Variants in EIF4G3 observed in about 807,000 individuals in gnomAD.
The protein encoded by EIF4G3 is eukaryotic translation initiation factor 4 gamma 3.
Under a neutral mutation model 186.4 loss-of-function variants are expected in EIF4G3, and 34 were observed. The ratio of observed to expected loss-of-function variants is 0.18; its 90% CI spans 0.14 to 0.24. EIF4G3 has a LOEUF of 0.24. Among genes scored for constraint, EIF4G3 ranks in the 10% least tolerant of loss-of-function variants. The probability of loss-of-function intolerance (pLI) is 1.00; values close to 1 mark genes in which losing one functional copy is unlikely to be tolerated. For synonymous variants in EIF4G3, 673 were observed against 679.5 expected (o/e 0.99, Z 0.15); for missense variants, 1,536 against 1,948.5 (o/e 0.79, Z 3.99).
At chr1:21,124,663 T>C (rs2096994106) in intron 2 of EIF4G3, among the ~76,000 whole-genome samples, 1 of 152,222 alleles carries the variant, frequency 6.6e-6, no homozygotes, top group Non-Finnish European at 1.5e-5. Context: ...GTGCTGGTTT[T>C]TTAATTTTTC....
chr1:20,969,579 T>C lies in EIF4G3; in HGVS notation c.609A>G (p.Pro203=). 1 of 1,613,712 alleles carries C rather than the reference T, an allele frequency of 6.2e-7. No homozygotes were observed. The part of the protein sequence containing the change: ...REKKTIRIRD[P]NQGGKDITEE... ...CTGTTATGTCTTTACCTCCCTGGTT[T>C]GGATCCCGAATTCTTATCTATAAGG... is the stretch of plus-strand genomic sequence containing the variant. Residue 203 remains proline (P), a synonymous_variant, in exon 12 of 37, where the codon CCA becomes CCG. Transcript: ENST00000602326.
At chr1:21,123,077 T>C (rs1436854800) in intron 2 of EIF4G3, among the ~76,000 whole-genome samples, 2 of 152,204 alleles carry the variant, frequency 1.3e-5, no homozygotes, top group African/African-American at 4.8e-5. Flanking sequence ...ATTGCCGTTC[T>C]TTCTTAATGG....
At chr1:20,934,950 A>G (rs892828466) in intron 14 of EIF4G3, among the ~76,000 whole-genome samples, 1 of 152,144 alleles carries the variant, frequency 6.6e-6, no homozygotes, top group Non-Finnish European at 1.5e-5. Context: ...TACAGCACTT[A>G]AAACTTCCTA....
chr1:20,938,669 A>C (rs1413892327), intron 14 of EIF4G3, among the ~76,000 whole-genome samples: 1 of 152,262 alleles, frequency 6.6e-6, no homozygotes, highest in Non-Finnish European at 1.5e-5. Flanking sequence ...AATAAATTAT[A>C]GTCATTAAGC....
chr1:20,807,231 C>T lies in EIF4G3; in HGVS notation c.*88G>A, dbSNP rs2058235727. On this transcript the variant is annotated 3_prime_UTR_variant, in exon 37 of 37. Coordinates refer to ENST00000602326, the MANE Select transcript of EIF4G3 (RefSeq NM_001391906.1). ...CGTGGGGGTTTCTGCGAGAATTGGC[C>T]TTGCTGCACTGTGATTGGCGAAGAC... is the stretch of plus-strand genomic sequence containing the variant. 1.6e-6 allele frequency: 2 copies of T among 1,285,428 alleles called. No individual in the cohort carries two copies. 79.6% of individuals were successfully genotyped at this position (1,285,428 alleles called of 1,614,324 possible).
intron 30 of EIF4G3, among the ~76,000 whole-genome samples, chr1:20,838,301 T>C (rs2067364191): frequency 6.6e-6 from 1 of 152,158 alleles, no homozygotes; most frequent in Admixed American, 6.5e-5. Flanking sequence ...CGAGTATAGT[T>C]TGAAGAGACA....
intron 2 of EIF4G3, among the ~76,000 whole-genome samples, chr1:21,093,520 A>G (rs2101502112): frequency 6.6e-6 from 1 of 152,302 alleles, no homozygotes; most frequent in Middle Eastern, 3.4e-3. Context: ...AAACTAGTTC[A>G]AACATTGTGG....
At chr1:21,002,625 G>A (rs1277061069) in intron 5 of EIF4G3, 88 bp downstream of exon 5, 23 of 1,352,686 alleles carry the variant, frequency 1.7e-5, no homozygotes, top group East Asian at 2.5e-5. Flanking sequence ...CCAAAATCCA[G>A]TAAAAATATT....
intron 12 of EIF4G3, among the ~76,000 whole-genome samples, chr1:20,959,041 A>G (rs2096506650): frequency 6.6e-6 from 1 of 152,196 alleles, no homozygotes; most frequent in African/African-American, 2.4e-5. Flanking sequence ...ATCAGAAAAA[A>G]AAATCCTAAA....
chr1:20,929,103 AT>A (rs923265139), intron 14 of EIF4G3, among the ~76,000 whole-genome samples: 4 of 152,162 alleles, frequency 2.6e-5, no homozygotes, highest in African/African-American at 9.7e-5. Context: ...TATATATCAC[AT>A]TTTGTTTATT....
chr1:21,089,128 A>C lies in EIF4G3; in HGVS notation c.-196+10T>G, dbSNP rs993831652. The C allele has an allele frequency of 5.6e-6, 4 of 716,560 alleles. No homozygotes were observed. The highest frequency in any genetic ancestry group is 1.0e-5 in the Non-Finnish European group (4 of 384,814). 44.4% of individuals were successfully genotyped at this position (716,560 alleles called of 1,614,324 possible). A position where few individuals can be genotyped will look rare whatever the true frequency, so the allele number is the denominator to read the frequency against. ...GCACACACACAATTTGACAACCTTC[A>C]GACACTCACCGTGCTGTAGACTGCT... is the stretch of plus-strand genomic sequence containing the variant. On this transcript the variant is annotated intron_variant, in intron 3 of 36. Coordinates refer to ENST00000602326, the MANE Select transcript of EIF4G3 (RefSeq NM_001391906.1).
chr1:21,145,936 T>C (rs10916943), intron 2 of EIF4G3, among the ~76,000 whole-genome samples: 90,751 of 151,932 alleles, frequency 0.6, 27,417 homozygotes, highest in East Asian at 0.76. Flanking sequence ...TTTTAAATTT[T>C]TTTTTTAATT....
intron 32 of EIF4G3, 133 bp from the exon 33 acceptor site, chr1:20,825,331 C>T (rs1420566657): frequency 4.5e-6 from 3 of 666,220 alleles, no homozygotes; most frequent in Non-Finnish European, 7.4e-6. Context: ...ACGTTTCCAG[C>T]AGGGCATGGT....
intron 3 of EIF4G3, 107 bp from the exon 4 acceptor site, chr1:21,051,101 C>G: frequency 1.5e-6 from 1 of 660,144 alleles, no homozygotes; most frequent in Admixed American, 2.7e-5. Flanking sequence ...TCACAACTTA[C>G]ACTAAAATAA....
chr1:21,106,641 T>C (rs1572643824), intron 2 of EIF4G3, among the ~76,000 whole-genome samples: 2 of 152,114 alleles, frequency 1.3e-5, no homozygotes, highest in South Asian at 4.1e-4. Flanking sequence ...AAAGTGAATA[T>C]ATGAATATGC....
At chr1:20,854,412 T>C (rs1179307244) in intron 26 of EIF4G3, among the ~76,000 whole-genome samples, 1 of 151,920 alleles carries the variant, frequency 6.6e-6, no homozygotes, top group East Asian at 1.9e-4. Flanking sequence ...ATTAAGGTCT[T>C]AGTGGCTGAG....
At chr1:20,959,299 A>T (rs2096516131) in intron 12 of EIF4G3, among the ~76,000 whole-genome samples, 1 of 152,162 alleles carries the variant, frequency 6.6e-6, no homozygotes, top group Non-Finnish European at 1.5e-5. Context: ...TAGACACCCT[A>T]TTTAACAAAT....
Position 21,078,776 on chromosome 1 carries a change from G to A in EIF4G3, c.-196+10362C>T, listed in dbSNP as rs183631240. Among the ~76,000 whole-genome samples, 4 of 152,208 alleles carry A rather than the reference G, an allele frequency of 2.6e-5. No individual in the cohort carries two copies. The East Asian group carries it at 7.7e-4, about 29-fold the overall frequency. On this transcript the variant is annotated intron_variant, in intron 3 of 36. Transcript: ENST00000602326. ...AAAGCAGGTGGATCACTTGAGGTCAGGAGTTCGAGACCAGCCTGGCCGATA... is the reference window on the plus strand; with the variant it reads ...AAAGCAGGTGGATCACTTGAGGTCAAGAGTTCGAGACCAGCCTGGCCGATA...
chr1:20,911,144 C>T (rs554812483), intron 14 of EIF4G3, among the ~76,000 whole-genome samples: 49 of 152,126 alleles, frequency 3.2e-4, no homozygotes, highest in African/African-American at 1.2e-3. Flanking sequence ...TTTTACTGGG[C>T]ACATTACAAT....
Sources: gnomAD v4.1 joint callset for allele counts (sites outside exome capture counted in the v4.1 genomes callset) on GRCh38, gnomAD v4.1.1 for gene constraint, MANE v1.5 for transcripts, NCBI Gene and HGNC (gene_info 2026-07-23, HGNC 2026-07-21) for gene names.